SMAD9: variants seen among roughly 807,000 people sequenced by gnomAD.
SMAD9 encodes the protein SMAD family member 9, also known as MAD homolog 9.
SMAD9 carries 36 observed loss-of-function variants against 46.1 expected under a neutral mutation model. That is an observed-to-expected ratio of 0.78 (90% CI 0.60 to 1.03). The LOEUF is 1.03. Among genes scored for constraint, SMAD9 ranks in the 50% least tolerant of loss-of-function variants. The pLI is 0.00. For missense variants in SMAD9, 572 were observed against 599.8 expected (o/e 0.95, Z 0.48); for synonymous variants, 245 against 237.1 (o/e 1.03, Z -0.31).
At chr13:36,907,664 C>T (rs1437842376) in intron 1 of SMAD9, among the ~76,000 whole-genome samples, 1 of 152,046 alleles carries the variant, frequency 6.6e-6, no homozygotes, top group South Asian at 2.1e-4. Context: ...GACAGCAAGA[C>T]CCTGACTCTA....
chr13:36,869,126 C>T (rs2058263917), intron 3 of SMAD9, among the ~76,000 whole-genome samples: 1 of 151,828 alleles, frequency 6.6e-6, no homozygotes, highest in Admixed American at 6.6e-5. Context: ...AAATACGGAG[C>T]TATTGTTAAA....
At chr13:36,902,856 T>C (rs1490774125) in intron 1 of SMAD9, among the ~76,000 whole-genome samples, 3 of 152,226 alleles carry the variant, frequency 2.0e-5, no homozygotes, top group East Asian at 1.9e-4. Context: ...TATGGACGTT[T>C]GTCCATTTTG....
At chr13:36,912,008 G>C (rs534241014) in intron 1 of SMAD9, among the ~76,000 whole-genome samples, 1 of 152,260 alleles carries the variant, frequency 6.6e-6, no homozygotes, top group South Asian at 2.1e-4. Context: ...GCACCCAGTC[G>C]GGGAAGCTCA....
intron 1 of SMAD9, among the ~76,000 whole-genome samples, chr13:36,912,976 T>G (rs1369740759): frequency 6.6e-6 from 1 of 152,214 alleles, no homozygotes; most frequent in Non-Finnish European, 1.5e-5. Context: ...TAAAATGGTA[T>G]ATTTGCATAT....
At position 36,896,580 on chromosome 13, in the gene SMAD9, G is replaced by C. The variant is rs577981700; in HGVS notation, c.-186-16705C>G. Among the ~76,000 whole-genome samples, 241 of 152,052 alleles carry C rather than the reference G, an allele frequency of 1.6e-3. 1 individual carries two copies. The highest frequency in any genetic ancestry group is 5.6e-3 in the African/African-American group (231 of 41,462). Reference sequence around the variant, plus strand: ...ACCATTCTCCTGTTAAAAAGCACCAGAATTCCCTGTAGCATGCTTGTAAAT... The same window carrying C: ...ACCATTCTCCTGTTAAAAAGCACCACAATTCCCTGTAGCATGCTTGTAAAT... On this transcript the variant is annotated intron_variant, in intron 1 of 6. Transcript: ENST00000379826.
intron 1 of SMAD9, among the ~76,000 whole-genome samples, chr13:36,883,857 T>C (rs1351271552): frequency 6.6e-6 from 1 of 152,228 alleles, no homozygotes; most frequent in African/African-American, 2.4e-5. Context: ...AAGAAAATCG[T>C]GTATCCCTGT....
At chr13:36,859,179 T>C (rs1354941450) in intron 5 of SMAD9, among the ~76,000 whole-genome samples, 2 of 152,244 alleles carry the variant, frequency 1.3e-5, no homozygotes, top group Non-Finnish European at 2.9e-5. Flanking sequence ...AAATATTTTT[T>C]AGGATTTGCT....
At chr13:36,900,554 C>T (rs1451416881) in intron 1 of SMAD9, among the ~76,000 whole-genome samples, 4 of 152,038 alleles carry the variant, frequency 2.6e-5, no homozygotes, top group African/African-American at 9.7e-5. Flanking sequence ...GCTGGGATTA[C>T]AGGCATGAGC....
intron 5 of SMAD9, among the ~76,000 whole-genome samples, chr13:36,859,636 T>C (rs762197214): frequency 6.6e-6 from 1 of 152,096 alleles, no homozygotes; most frequent in Non-Finnish European, 1.5e-5. Flanking sequence ...AGGGGAGGCA[T>C]GAATAATCTA....
intron 5 of SMAD9, among the ~76,000 whole-genome samples, chr13:36,854,896 G>T (rs922885661): frequency 2.0e-5 from 3 of 152,108 alleles, no homozygotes; most frequent in African/African-American, 7.2e-5. Context: ...TTTGTGAAGT[G>T]AAATTTCTAC....
rs2058041600 is a variant in SMAD9, at chr13:36,846,889, A to C, written c.*1787T>G. The C allele has an allele frequency of 6.6e-6, 1 of 152,212 alleles. No individual in the cohort carries two copies. The highest frequency in any genetic ancestry group is 1.5e-5 in the Non-Finnish European group (1 of 68,038). The allele number at this position is 152,212 out of a possible 1,614,324, so 9.4% of individuals were successfully genotyped here. A position where few individuals can be genotyped will look rare whatever the true frequency, so the allele number is the denominator to read the frequency against. ...TGTCTGTACAAACAGATTCACTATT[A>C]GGTTCTCGGCTCCCTGAGGGCTGGG... On this transcript the variant is annotated 3_prime_UTR_variant, in exon 7 of 7. Coordinates refer to ENST00000379826, the MANE Select transcript of SMAD9 (RefSeq NM_001127217.3).
At chr13:36,905,262 G>A (rs73535781) in intron 1 of SMAD9, among the ~76,000 whole-genome samples, 4,036 of 152,190 alleles carry the variant, frequency 0.027, 180 homozygotes, top group African/African-American at 0.092. Flanking sequence ...ACTTGAAATC[G>A]ACTTGGTTGT....
rs116122421 is a variant in SMAD9, at chr13:36,862,010, G to A, written c.1003+3527C>T. ...GAACAGCCAGGCAATCTTTTCGAAA[G>A]TGTAAAGTCAGATCATATTGTAAAC... On this transcript the variant is annotated intron_variant, in intron 5 of 6. Coordinates refer to ENST00000379826, the MANE Select transcript of SMAD9 (RefSeq NM_001127217.3). 4.3e-3 allele frequency among the ~76,000 whole-genome samples: 652 copies of A among 151,974 alleles called. 6 individuals carry two copies. The highest frequency in any genetic ancestry group is 0.015 in the African/African-American group (615 of 41,438).
chr13:36,900,505 T>A (rs1441431169), intron 1 of SMAD9, among the ~76,000 whole-genome samples: 1 of 152,014 alleles, frequency 6.6e-6, no homozygotes, highest in African/African-American at 2.4e-5. Context: ...GGTCTTGAAC[T>A]CCTGACCTCG....
rs562093049 is a variant in SMAD9 at position 36,901,179 on chromosome 13, G to A, written c.-187+18937C>T. Among the ~76,000 whole-genome samples, 115 of 152,166 alleles carry A rather than the reference G, an allele frequency of 7.6e-4. 1 individual carries two copies. Among genetic ancestry groups the A allele is most frequent in the African/African-American group, 1.7e-3 (72 of 41,528 alleles). On this transcript the variant is annotated intron_variant, in intron 1 of 6. Transcript: ENST00000379826. ...TTGAGTAGCTGTTTTCAGTTCTTTC[G>A]AGCATATACCTAGGAGTGGAATTGC...
rs571045414 is a variant in SMAD9, at chr13:36,912,619, A to G, written c.-187+7497T>C. ...TTGAACCAGTAAAGGGTAGCAGGGA[A>G]AAACAGGAGGAAACTGTACAAAGGC... On this transcript the variant is annotated intron_variant, in intron 1 of 6. Transcript: ENST00000379826. Among the ~76,000 whole-genome samples the G allele has an allele frequency of 7.2e-5, 11 of 152,264 alleles. No homozygotes were observed. In the East Asian group the frequency reaches 2.1e-3, roughly 29 times the overall value.
chr13:36,899,862 C>T (rs2058559504), intron 1 of SMAD9, among the ~76,000 whole-genome samples: 1 of 152,146 alleles, frequency 6.6e-6, no homozygotes, highest in South Asian at 2.1e-4. Context: ...ACACTAGTCC[C>T]TCTATTCATA....
chr13:36,872,004 T>C (rs2058299732), intron 3 of SMAD9, among the ~76,000 whole-genome samples: 1 of 152,208 alleles, frequency 6.6e-6, no homozygotes, highest in South Asian at 2.1e-4. Flanking sequence ...AGTGCATATG[T>C]ATCTTTTATT....
chr13:36,902,238 T>C lies in SMAD9; in HGVS notation c.-187+17878A>G, dbSNP rs192576339. On this transcript the variant is annotated intron_variant, in intron 1 of 6. Coordinates refer to ENST00000379826, the MANE Select transcript of SMAD9 (RefSeq NM_001127217.3). ...CCAGCACCATTTGTTGAAGACATTG[T>C]TCTCCACTGAATAAAGAACTGGACT... Among the ~76,000 whole-genome samples, 52 of 152,326 alleles carry C rather than the reference T, an allele frequency of 3.4e-4. No individual in the cohort carries two copies. In the East Asian group the frequency reaches 8.7e-3, roughly 25 times the overall value.
Sources: gnomAD v4.1 joint callset for allele counts (sites outside exome capture counted in the v4.1 genomes callset) on GRCh38, gnomAD v4.1.1 for gene constraint, MANE v1.5 for transcripts, NCBI Gene and HGNC (gene_info 2026-07-23, HGNC 2026-07-21) for gene names.